CDH8: variants seen among roughly 807,000 people sequenced by gnomAD.
CDH8 encodes cadherin 8.
Under a neutral mutation model 68.1 loss-of-function variants are expected in CDH8, and 17 were observed. The ratio of observed to expected loss-of-function variants is 0.25; its 90% CI spans 0.17 to 0.37. The LOEUF is 0.37. CDH8 is among the 10% of genes least tolerant of loss of function. The pLI is 1.00. For synonymous variants in CDH8, 372 were observed against 365.1 expected (o/e 1.02, Z -0.21); for missense variants, 763 against 999.3 (o/e 0.76, Z 3.19).
intron 3 of CDH8, among the ~76,000 whole-genome samples, chr16:61,889,728 A>G (rs1963740863): frequency 6.6e-6 from 1 of 152,178 alleles, no homozygotes; most frequent in African/African-American, 2.4e-5. Flanking sequence ...TAATTTACAG[A>G]ACTCTAGACA....
At chr16:61,729,801 GCA>G (rs990767093) in intron 8 of CDH8, among the ~76,000 whole-genome samples, 1 of 151,290 alleles carries the variant, frequency 6.6e-6, no homozygotes, top group African/African-American at 2.4e-5. Context: ...AATAATAGGG[GCA>G]CAGTCTTAGA....
chr16:61,874,328 T>A (rs1196301123), intron 3 of CDH8, among the ~76,000 whole-genome samples: 1 of 152,080 alleles, frequency 6.6e-6, no homozygotes, highest in African/African-American at 2.4e-5. Flanking sequence ...GATATTTTCT[T>A]TTTTTCGTTT....
intron 3 of CDH8, 100 bp from the exon 4 acceptor site, chr16:61,857,338 G>A: frequency 9.9e-7 from 1 of 1,012,624 alleles, no homozygotes; most frequent in East Asian, 2.7e-5. Flanking sequence ...CATGTGTAGG[G>A]AATAAAAGGA....
At chr16:61,868,284 C>T (rs1963292839) in intron 3 of CDH8, among the ~76,000 whole-genome samples, 1 of 152,094 alleles carries the variant, frequency 6.6e-6, no homozygotes, top group African/African-American at 2.4e-5. Context: ...CTCCCTAGCA[C>T]TTCAGAAAAT....
chr16:61,981,908 TCTC>T (rs921730011), intron 2 of CDH8, among the ~76,000 whole-genome samples: 21 of 152,132 alleles, frequency 1.4e-4, no homozygotes, highest in African/African-American at 3.9e-4. Flanking sequence ...CTTTTTTTCT[TCTC>T]CTCCTCTTCT....
At chr16:61,787,316 T>G (rs1183229294) in intron 8 of CDH8, among the ~76,000 whole-genome samples, 1 of 146,928 alleles carries the variant, frequency 6.8e-6, no homozygotes, top group Non-Finnish European at 1.5e-5. Flanking sequence ...AAGACATTTA[T>G]GCAGCCAAAA....
At chr16:61,847,267 C>T (rs899408068) in intron 4 of CDH8, among the ~76,000 whole-genome samples, 17 of 151,932 alleles carry the variant, frequency 1.1e-4, no homozygotes. Context: ...AGATCCCTGT[C>T]CATATGGCAC....
chr16:62,005,566 T>C (rs1336829353), intron 2 of CDH8, among the ~76,000 whole-genome samples: 2 of 151,732 alleles, frequency 1.3e-5, no homozygotes, highest in African/African-American at 4.8e-5. Context: ...TGAAACTCCA[T>C]CTCTACTAAA....
intron 9 of CDH8, among the ~76,000 whole-genome samples, chr16:61,724,389 A>T (rs1468552811): frequency 6.6e-6 from 1 of 150,714 alleles, no homozygotes; most frequent in East Asian, 1.9e-4. Flanking sequence ...AGCACAATAG[A>T]ATTGTCTATG....
intron 2 of CDH8, among the ~76,000 whole-genome samples, chr16:62,020,483 C>G (rs1902044463): frequency 8.9e-6 from 1 of 112,304 alleles, no homozygotes; most frequent in Non-Finnish European, 1.8e-5. Flanking sequence ...CAGTCTAACA[C>G]ACACACGCGC....
intron 10 of CDH8, among the ~76,000 whole-genome samples, chr16:61,705,190 CA>C (rs928573030): frequency 6.6e-6 from 1 of 152,114 alleles, no homozygotes; most frequent in African/African-American, 2.4e-5. Context: ...ATAGAATAGG[CA>C]ACAGATGGAA....
At chr16:61,984,215 A>T (rs1424810547) in intron 2 of CDH8, among the ~76,000 whole-genome samples, 1 of 151,850 alleles carries the variant, frequency 6.6e-6, no homozygotes, top group Non-Finnish European at 1.5e-5. Flanking sequence ...ACCATGCCCA[A>T]CTCTTTATTT....
In CDH8 at chr16:61,648,995, T is replaced by TA. The variant is rs1963264766; in HGVS notation, c.*4612dup. The TA allele has an allele frequency of 1.3e-5, 2 of 152,046 alleles. No homozygotes were observed. Among genetic ancestry groups the TA allele is most frequent in the Non-Finnish European group, 1.5e-5 (1 of 67,906 alleles). The allele number at this position is 152,046 out of a possible 1,614,324, so 9.4% of individuals were successfully genotyped here. ...CTTCTACAATTATCATAAGAAGCAA[T>TA]AATTACAAGGGCAAATAATACATTC... On this transcript the variant is annotated 3_prime_UTR_variant, in exon 12 of 12. Transcript: ENST00000577390.
chr16:61,675,165 C>G (rs141588521), intron 10 of CDH8, among the ~76,000 whole-genome samples: 2 of 151,780 alleles, frequency 1.3e-5, no homozygotes, highest in African/African-American at 4.8e-5. Context: ...AACAACAAAA[C>G]AAAAAGTGCC....
At chr16:61,893,662 A>C (rs1963818693) in intron 3 of CDH8, among the ~76,000 whole-genome samples, 1 of 152,134 alleles carries the variant, frequency 6.6e-6, no homozygotes, top group African/African-American at 2.4e-5. Context: ...GTTGGGCCAA[A>C]AGGTGAGAAT....
chr16:61,652,826 C>A lies in CDH8; in HGVS notation c.*782G>T. 3 of 1,492,976 alleles carry A rather than the reference C, an allele frequency of 2.0e-6. No individual in the cohort carries two copies. Among genetic ancestry groups the A allele is most frequent in the South Asian group, 2.7e-5 (2 of 75,382 alleles). 92.5% of individuals were successfully genotyped at this position (1,492,976 alleles called of 1,614,324 possible). On this transcript the variant is annotated 3_prime_UTR_variant, in exon 12 of 12. Transcript: ENST00000577390. ...TAAAACCATCTGTCTCTTATGTAGT[C>A]CACTGTGTGATACAGTTTATCTTTG... is the stretch of plus-strand genomic sequence containing the variant.
chr16:61,841,268 T>G (rs1962677775), intron 4 of CDH8, among the ~76,000 whole-genome samples: 1 of 152,210 alleles, frequency 6.6e-6, no homozygotes, highest in African/African-American at 2.4e-5. Context: ...TTTTTAGTTT[T>G]TTGAGAAACC....
intron 2 of CDH8, among the ~76,000 whole-genome samples, chr16:61,977,662 A>T (rs1965460902): frequency 1.3e-5 from 2 of 152,154 alleles, no homozygotes; most frequent in Admixed American, 1.3e-4. Context: ...TGAATGAATC[A>T]AGATAAGTTT....
intron 4 of CDH8, among the ~76,000 whole-genome samples, chr16:61,849,189 T>C (rs1008802331): frequency 1.3e-4 from 20 of 152,110 alleles, no homozygotes; most frequent in Non-Finnish European, 2.4e-4. Context: ...TAGTATCATA[T>C]GATATTATTC....
Sources: gnomAD v4.1 joint callset for allele counts (sites outside exome capture counted in the v4.1 genomes callset) on GRCh38, gnomAD v4.1.1 for gene constraint, MANE v1.5 for transcripts, NCBI Gene and HGNC (gene_info 2026-07-23, HGNC 2026-07-21) for gene names.